ANKRD28: variants seen among roughly 807,000 people sequenced by gnomAD.
ANKRD28 encodes the protein ankyrin repeat domain 28.
A neutral mutation model predicts 126.5 loss-of-function variants in ANKRD28; 44 were observed. The observed-to-expected ratio is 0.35, with a 90% CI of 0.27 to 0.45. The LOEUF (loss-of-function observed/expected upper bound fraction) is 0.45, where lower values mean the gene tolerates loss of function less well. ANKRD28 is among the 20% of genes least tolerant of loss of function. The pLI is 1.00. For missense variants in ANKRD28, 1,110 were observed against 1,316.6 expected (o/e 0.84, Z 2.43); for synonymous variants, 442 against 468.5 (o/e 0.94, Z 0.73).
At chr3:15,785,626 G>A (rs1376249528) in intron 2 of ANKRD28, among the ~76,000 whole-genome samples, 1 of 152,010 alleles carries the variant, frequency 6.6e-6, no homozygotes, top group African/African-American at 2.4e-5. Context: ...AGTGCACACT[G>A]GTAAACAGCC....
chr3:15,667,374 T>C lies in ANKRD28; in HGVS notation c.*2896A>G, dbSNP rs1267484262. The stretch of plus-strand genomic sequence containing the variant: ...TGAGTGTCTTGTTAAAGGAGGTCAT[T>C]TGCTATTACCACCATTTCACCCAAA... On this transcript the variant is annotated 3_prime_UTR_variant, in exon 28 of 28. Coordinates refer to ENST00000683139, the MANE Select transcript of ANKRD28 (RefSeq NM_001349278.2). The C allele has an allele frequency of 1.3e-5, 2 of 152,262 alleles. No individual in the cohort carries two copies. The highest frequency in any genetic ancestry group is 4.8e-5 in the African/African-American group (2 of 41,468). 9.4% of individuals were successfully genotyped at this position (152,262 alleles called of 1,614,324 possible). A position where few individuals can be genotyped will look rare whatever the true frequency, so the allele number is the denominator to read the frequency against.
chr3:15,705,885 G>C (rs561008037), intron 14 of ANKRD28, among the ~76,000 whole-genome samples: 28 of 152,110 alleles, frequency 1.8e-4, no homozygotes, highest in Non-Finnish European at 3.5e-4. Context: ...TGTAGTCCCA[G>C]CTACTCAGGA....
chr3:15,767,695 T>G (rs2058806751), intron 2 of ANKRD28, among the ~76,000 whole-genome samples: 1 of 90,146 alleles, frequency 1.1e-5, no homozygotes, highest in Non-Finnish European at 2.0e-5. Context: ...AAACCTAGTC[T>G]CTACTAAAAA....
chr3:15,850,216 T>G (rs2061615238), intron 1 of ANKRD28, among the ~76,000 whole-genome samples: 1 of 61,910 alleles, frequency 1.6e-5, no homozygotes, highest in Non-Finnish European at 3.5e-5. Context: ...TATATATATA[T>G]ATATATATAG....
intron 21 of ANKRD28, among the ~76,000 whole-genome samples, chr3:15,683,509 T>G (rs1300864298): frequency 6.6e-6 from 1 of 152,178 alleles, no homozygotes; most frequent in Non-Finnish European, 1.5e-5. Flanking sequence ...TCAAAACTGT[T>G]TTGGTTAAGG....
chr3:15,668,466 A>C lies in ANKRD28; in HGVS notation c.*1804T>G, dbSNP rs1272814828. On this transcript the variant is annotated 3_prime_UTR_variant, in exon 28 of 28. Coordinates refer to ENST00000683139, the MANE Select transcript of ANKRD28 (RefSeq NM_001349278.2). ...GAAGGGTTCATTATGACTTCTTTAT[A>C]TTATAAAGAAAAGATGGGGGATTAG... 3.3e-5 allele frequency: 5 copies of C among 152,484 alleles called. No individual in the cohort carries two copies. The highest frequency in any genetic ancestry group is 1.2e-4 in the African/African-American group (5 of 41,450). The allele number at this position is 152,484 out of a possible 1,614,324, so 9.4% of individuals were successfully genotyped here. A position where few individuals can be genotyped will look rare whatever the true frequency, so the allele number is the denominator to read the frequency against.
upstream of ANKRD28, chr3:15,798,061 T>C (rs2060357272): frequency 2.0e-6 from 2 of 985,292 alleles, no homozygotes; most frequent in Admixed American, 6.2e-5. Context: ...AGAAGGTTCA[T>C]GCCAGTTCTG....
At chr3:15,823,098 TGGTGTTGTGAA>T (rs2060979190) in intron 1 of ANKRD28, among the ~76,000 whole-genome samples, 1 of 152,226 alleles carries the variant, frequency 6.6e-6, no homozygotes, top group African/African-American at 2.4e-5. Context: ...CACCAGGGAC[TGGTGTTGTGAA>T]AGACAATTTT....
rs145704284 is a variant in ANKRD28 at position 15,712,029 on chromosome 3, T to G, written c.1273+111A>C. The G allele has an allele frequency of 6.3e-3, 5,125 of 808,378 alleles. 23 individuals are homozygous for G. The highest frequency in any genetic ancestry group is 8.0e-3 in the Non-Finnish European group (3,945 of 492,162). The allele number at this position is 808,378 out of a possible 1,614,324, so 50.1% of individuals were successfully genotyped here. The stretch of plus-strand genomic sequence containing the variant: ...ACACGTTCTAAAAGGGGTTATTAAA[T>G]TATCCATACTGGACCCATCTGCATT... On this transcript the variant is annotated intron_variant, in intron 11 of 27. Coordinates refer to ENST00000683139, the MANE Select transcript of ANKRD28 (RefSeq NM_001349278.2).
chr3:15,751,036 A>C (rs1175069152), intron 4 of ANKRD28, among the ~76,000 whole-genome samples: 1 of 152,180 alleles, frequency 6.6e-6, no homozygotes, highest in African/African-American at 2.4e-5. Context: ...TAACAGAAAA[A>C]AAAAAAAGAT....
At chr3:15,670,675 A>AT (rs2125575434) in intron 27 of ANKRD28, 119 bp from the exon 28 acceptor site, 1 of 1,046,334 alleles carries the variant, frequency 9.6e-7, no homozygotes, top group Non-Finnish European at 1.4e-6. Flanking sequence ...AGCTTATAAT[A>AT]AATTGCTGTA....
intron 11 of ANKRD28, among the ~76,000 whole-genome samples, chr3:15,711,577 G>C (rs1426220408): frequency 2.0e-5 from 3 of 152,204 alleles, no homozygotes; most frequent in Admixed American, 6.5e-5. Context: ...TTCAGAACAG[G>C]CAAATTTTAT....
chr3:15,737,116 C>A lies in ANKRD28; in HGVS notation c.469G>T (p.Val157Leu), dbSNP rs1245413312. 6.2e-7 allele frequency: 1 copy of A among 1,613,928 alleles called. No homozygotes were observed. Among genetic ancestry groups the A allele is most frequent in the Non-Finnish European group, 8.5e-7 (1 of 1,179,872 alleles). The change falls in exon 5 of 28, where the codon GTA becomes TTA. Residue 157 changes from valine to leucine, a missense_variant. Coordinates refer to ENST00000683139, the MANE Select transcript of ANKRD28 (RefSeq NM_001349278.2). ...NKAVKCAEALVPLLSNVNVSD... is the reference protein window; with the variant it reads ...NKAVKCAEALLPLLSNVNVSD... ...ACGTTTACATTACTCAGAAGAGGTA[C>A]CAAAGCTTCAGCACACTTTACAGCT...
At position 15,854,340 on chromosome 3, in the gene ANKRD28, A is replaced by G. The variant is rs564341528; in HGVS notation, c.27+5037T>C. ...CATCCATCCTTCCTGGCTTGCCTTC[A>G]CAGTTCCCTCTTGTTGCTTTCATTG... On this transcript the variant is annotated intron_variant, in intron 1 of 27. Transcript: ENST00000399451. This position sits in a 1 kb window ranked among gnomAD's most constrained non-coding sequence, Gnocchi z 4.1. 6.6e-6 allele frequency among the ~76,000 whole-genome samples: 1 copy of G among 152,176 alleles called. No homozygotes were observed. The highest frequency in any genetic ancestry group is 1.9e-4 in the East Asian group (1 of 5,198).
intron 8 of ANKRD28, among the ~76,000 whole-genome samples, chr3:15,715,047 AAT>A (rs748579207): frequency 1.4e-4 from 22 of 152,232 alleles, no homozygotes; most frequent in Non-Finnish European, 2.5e-4. Context: ...CATTTAAAAA[AAT>A]AAATACAAAT....
At chr3:15,742,421 T>C (rs2057119295) in intron 4 of ANKRD28, among the ~76,000 whole-genome samples, 2 of 143,870 alleles carry the variant, frequency 1.4e-5, no homozygotes, top group Non-Finnish European at 3.0e-5. Context: ...CGCCTCTACC[T>C]GGCCGCGACC....
chr3:15,838,735 C>G lies in ANKRD28; in HGVS notation c.27+20642G>C, dbSNP rs151329548. On this transcript the variant is annotated intron_variant, in intron 1 of 27. Transcript: ENST00000399451. This position sits in a 1 kb window ranked among gnomAD's most constrained non-coding sequence, Gnocchi z 4.0. The stretch of plus-strand genomic sequence containing the variant: ...TGCACTCCAGCCTGGGCAACAAGAA[C>G]GAAACTCCGTCTCAAAAAAAAAAAA... 0.021 allele frequency among the ~76,000 whole-genome samples: 2,944 copies of G among 138,098 alleles called. 52 individuals carry two copies. The highest frequency in any genetic ancestry group is 0.037 in the Non-Finnish European group (2,310 of 62,682). 90.6% of individuals were successfully genotyped at this position (138,098 alleles called of 152,430 possible).
intron 1 of ANKRD28, 28 bp from the exon 2 acceptor site, chr3:15,795,334 T>A: frequency 6.7e-7 from 1 of 1,482,214 alleles, no homozygotes; most frequent in Non-Finnish European, 9.4e-7. Flanking sequence ...AATAAAAACA[T>A]TAGAATCATC....
At chr3:15,686,400 T>C in intron 18 of ANKRD28, 91 bp from the exon 19 acceptor site, 1 of 1,036,102 alleles carries the variant, frequency 9.7e-7, no homozygotes. Flanking sequence ...GAATTTACTT[T>C]TGGGATAGTT....
Sources: gnomAD v4.1 joint callset for allele counts (sites outside exome capture counted in the v4.1 genomes callset) on GRCh38, gnomAD v4.1.1 for gene constraint, Gnocchi (gnomAD v3.1) non-coding constraint, MANE v1.5 for transcripts, NCBI Gene and HGNC (gene_info 2026-07-23, HGNC 2026-07-21) for gene names.